DDX4: variants seen among roughly 807,000 people sequenced by gnomAD.
DDX4 encodes DEAD-box helicase 4.
A neutral mutation model predicts 100.0 loss-of-function variants in DDX4; 25 were observed. The ratio of observed to expected loss-of-function variants is 0.25; its 90% confidence interval spans 0.18 to 0.35. DDX4 has a LOEUF of 0.35. DDX4 is among the 10% of genes least tolerant of loss of function. The pLI is 1.00. For missense variants in DDX4, 635 were observed against 882.4 expected, an observed-to-expected ratio of 0.72 and a Z score of 3.55; for synonymous variants, 259 against 275.7, an observed-to-expected ratio of 0.94 and a Z score of 0.60.
intron 8 of DDX4, 51 bp from the exon 9 acceptor site, chr5:55,781,014 TA>T (rs1391708389): frequency 1.3e-6 from 2 of 1,530,956 alleles, no homozygotes; most frequent in Non-Finnish European, 1.8e-6. Context: ...ACTGAACGAT[TA>T]AAAAACTTCT....
Position 55,796,823 on chromosome 5 carries a change from C to CTTTTTTTTTTTTTTTTTTTTTTTT in DDX4, c.1470-1592_1470-1569dup, listed in dbSNP as rs3990072. On this transcript the variant is annotated intron_variant, in intron 17 of 21. Coordinates refer to ENST00000505374, the MANE Select transcript of DDX4 (RefSeq NM_024415.3). ...TTTTCTTTTCTTTTTTTCTTTCTTT[C>CTTTTTTTTTTTTTTTTTTTTTTTT]TTTTTTTTTTTTTTTTTTTTTTTTT... Among the ~76,000 whole-genome samples the CTTTTTTTTTTTTTTTTTTTTTTTT allele has an allele frequency of 1.5e-3, 92 of 59,938 alleles. 19 individuals are homozygous for CTTTTTTTTTTTTTTTTTTTTTTTT. The highest frequency in any genetic ancestry group is 2.3e-3 in the Non-Finnish European group (72 of 30,914). 39.3% of individuals were successfully genotyped at this position (59,938 alleles called of 152,430 possible).
chr5:55,794,196 T>TTC (rs1742766102), intron 17 of DDX4, among the ~76,000 whole-genome samples: 1 of 151,318 alleles, frequency 6.6e-6, no homozygotes, highest in Non-Finnish European at 1.5e-5. Flanking sequence ...TTTTTTTTTT[T>TTC]TTGTGATGAA....
intron 9 of DDX4, 43 bp downstream of exon 9, chr5:55,781,189 T>A (rs759886295): frequency 2.2e-5 from 33 of 1,476,362 alleles, no homozygotes; most frequent in Non-Finnish European, 2.9e-5. Flanking sequence ...TACTGATGTA[T>A]GTTTTTAGCA....
intron 3 of DDX4, among the ~76,000 whole-genome samples, chr5:55,747,570 A>G (rs1759310606): frequency 6.6e-6 from 1 of 152,168 alleles, no homozygotes; most frequent in African/African-American, 2.4e-5. Flanking sequence ...AAAACATTAA[A>G]AAACTATGAT....
In DDX4 at chr5:55,786,649, T is replaced by C; in HGVS notation, c.996T>C (p.Ala332=). The C allele has an allele frequency of 1.2e-6, 2 of 1,613,444 alleles. No individual in the cohort carries two copies. The highest frequency in any genetic ancestry group is 1.7e-6 in the Non-Finnish European group (2 of 1,179,468). The change falls in exon 14 of 22, where the codon GCT becomes GCC. Residue 332 remains alanine (A), a synonymous_variant. Transcript: ENST00000505374. ...CAGGACGAGATTTGATGGCTTGCGC[T>C]CAAACAGGGTCTGGGAAGACTGTAA... ...ILAGRDLMAC[A]QTGSGKTAAF...
At chr5:55,758,193 A>C (rs1760061050) in intron 3 of DDX4, among the ~76,000 whole-genome samples, 1 of 152,116 alleles carries the variant, frequency 6.6e-6, no homozygotes, top group Non-Finnish European at 1.5e-5. Context: ...ATCTGGAGAG[A>C]TTAGTTATTT....
At chr5:55,782,038 A>AT in intron 10 of DDX4, 57 bp downstream of exon 10, 2 of 1,594,450 alleles carry the variant, frequency 1.3e-6, no homozygotes, top group Admixed American at 1.7e-5. Context: ...TCCAAATTTA[A>AT]TTTTTTTCTG....
intron 2 of DDX4, among the ~76,000 whole-genome samples, chr5:55,742,816 C>T (rs1042668609): frequency 1.3e-5 from 2 of 152,044 alleles, no homozygotes; most frequent in Admixed American, 6.6e-5. Context: ...ACAGAATAAG[C>T]GCGTTTGAGA....
intron 18 of DDX4, 136 bp downstream of exon 18, chr5:55,798,707 T>TA (rs1480239804): frequency 1.2e-5 from 8 of 681,978 alleles, no homozygotes; most frequent in Middle Eastern, 4.6e-4. Flanking sequence ...AGCTCTTTTA[T>TA]AAAAAATTTT....
Position 55,798,571 on chromosome 5 carries a change from G to A in DDX4, c.1615G>A (p.Gly539Arg), listed in dbSNP as rs370961271. 1.3e-5 allele frequency: 21 copies of A among 1,595,232 alleles called. No homozygotes were observed. The highest frequency in any genetic ancestry group is 1.6e-5 in the Non-Finnish European group (19 of 1,172,842). The change falls in exon 18 of 22, where the codon GGG becomes AGG. Residue 539 changes from glycine (G) to arginine (R), a missense_variant and splice_region_variant. Around this residue, in one of 4 missense-constraint regions of DDX4, gnomAD observed 115 missense variants for 224.7 expected, o/e 0.51. Transcript: ENST00000505374. ...GCTCGTTGAAATTCTGCGAAACATA[G>A]GTATCTTACGTTGATACATTTTTTT... ...EKLVEILRNI[G>R]DERTMVFVET...
In DDX4 at chr5:55,767,223, T is replaced by G. The variant is rs561965827; in HGVS notation, c.335-658T>G. 2.0e-5 allele frequency among the ~76,000 whole-genome samples: 3 copies of G among 152,286 alleles called. No individual in the cohort carries two copies. In the South Asian group the frequency reaches 6.2e-4, roughly 32 times the overall value. On this transcript the variant is annotated intron_variant, in intron 6 of 21. Transcript: ENST00000505374. ...GGGAGGCCAAGGTGGGCGAATCACC[T>G]GAGGTTCAGGAATTCAAGACCAGCC... is the stretch of plus-strand genomic sequence containing the variant.
intron 10 of DDX4, among the ~76,000 whole-genome samples, chr5:55,784,135 A>T (rs575309734): frequency 6.6e-6 from 1 of 152,092 alleles, no homozygotes; most frequent in South Asian, 2.1e-4. Context: ...TGATGGAACC[A>T]GGGAAGTTGA....
intron 17 of DDX4, among the ~76,000 whole-genome samples, chr5:55,797,735 C>G (rs914320161): frequency 6.6e-6 from 1 of 152,200 alleles, no homozygotes; most frequent in Non-Finnish European, 1.5e-5. Flanking sequence ...TCTATGTGAT[C>G]TAAAGCAAGA....
At chr5:55,799,610 G>T (rs963409691) in intron 18 of DDX4, among the ~76,000 whole-genome samples, 1 of 152,074 alleles carries the variant, frequency 6.6e-6, no homozygotes, top group Non-Finnish European at 1.5e-5. Context: ...TCCTGGGCTC[G>T]AGTGATCCAC....
At chr5:55,774,148 A>ATT (rs540763890) in intron 7 of DDX4, among the ~76,000 whole-genome samples, 3 of 144,488 alleles carry the variant, frequency 2.1e-5, no homozygotes, top group Non-Finnish European at 3.1e-5. Context: ...AATTTATCTA[A>ATT]TTTTTTTTTT....
intron 2 of DDX4, among the ~76,000 whole-genome samples, chr5:55,744,583 T>C (rs1479010550): frequency 7.9e-5 from 12 of 152,228 alleles, no homozygotes; most frequent in African/African-American, 2.7e-4. Context: ...GATTTTATAA[T>C]AAGTTGAATT....
chr5:55,771,129 T>C (rs66908049), intron 7 of DDX4, among the ~76,000 whole-genome samples: 7,715 of 152,234 alleles, frequency 0.051, 291 homozygotes, highest in Non-Finnish European at 0.077. Flanking sequence ...TACACGTGTG[T>C]ATATATGTTT....
chr5:55,742,847 AG>A (rs1237359473), intron 2 of DDX4, among the ~76,000 whole-genome samples: 2 of 152,170 alleles, frequency 1.3e-5, no homozygotes, highest in Admixed American at 1.3e-4. Context: ...TATAGTGAAA[AG>A]TACTATAAAA....
intron 7 of DDX4, chr5:55,777,378 A>C (rs980785222): frequency 1.3e-5 from 2 of 152,146 alleles, no homozygotes; most frequent in Non-Finnish European, 2.9e-5. Context: ...CCAACATGGG[A>C]GGGATCTCTT....
Sources: gnomAD v4.1 joint callset for allele counts (sites outside exome capture counted in the v4.1 genomes callset) on GRCh38, gnomAD v4.1.1 for gene constraint, gnomAD v4.1.1 regional missense constraint, MANE v1.5 for transcripts, NCBI Gene and HGNC (gene_info 2026-07-23, HGNC 2026-07-21) for gene names.